ATP9B: variants seen among roughly 807,000 people sequenced by gnomAD.
ATP9B encodes ATPase phospholipid transporting 9B.
Under a neutral mutation model 146.1 loss-of-function variants are expected in ATP9B, and 110 were observed. That is an observed-to-expected ratio of 0.75 (90% CI 0.65 to 0.88). The LOEUF is 0.88. Ranked by LOEUF, ATP9B falls within the 40% of genes least tolerant of loss-of-function variation. The pLI, the probability that ATP9B is intolerant of heterozygous loss-of-function variation, is 0.00. For missense variants in ATP9B, 1,499 were observed against 1,496.4 expected (o/e 1.00, Z -0.03); for synonymous variants, 604 against 569.7 (o/e 1.06, Z -0.86).
At chr18:79,146,068 G>A (rs372412764) in intron 6 of ATP9B, 48 of 56,116 alleles carry the variant, frequency 8.6e-4, no homozygotes, top group South Asian at 1.7e-3. Flanking sequence ...CTGAAGGTGC[G>A]GGCTGCATGT....
intron 20 of ATP9B, 103 bp from the exon 21 acceptor site, chr18:79,344,162 C>A (rs1600208034): frequency 1.8e-6 from 2 of 1,082,634 alleles, no homozygotes; most frequent in Admixed American, 5.0e-5. Flanking sequence ...TAGATAATAA[C>A]CCCAGAACAT....
chr18:79,303,715 A>G lies in ATP9B; in HGVS notation c.1523A>G (p.Gln508Arg). 1 of 1,612,450 alleles carries G rather than the reference A, an allele frequency of 6.2e-7. No individual in the cohort carries two copies. Among genetic ancestry groups the G allele is most frequent in the South Asian group, 1.1e-5 (1 of 91,020 alleles). Residue 508 changes from glutamine (Q) to arginine (R), a missense_variant and splice_region_variant, in exon 14 of 30, where the codon CAG (glutamine) becomes CGG (arginine). Gln to Arg is a conservative substitution (Grantham distance 43). Coordinates refer to ENST00000426216, the MANE Select transcript of ATP9B (RefSeq NM_198531.5). Reference protein sequence around the residue: ...IQSHVRDSYSQMQSQAGGNNT... With the variant: ...IQSHVRDSYSRMQSQAGGNNT... ...AGCCATGTCAGGGACTCCTACTCAC[A>G]GGTAAGTGGGTTCCTCCTGCACGGG...
chr18:79,300,545 C>T (rs1033865058), intron 13 of ATP9B, among the ~76,000 whole-genome samples: 12 of 152,158 alleles, frequency 7.9e-5, no homozygotes, highest in East Asian at 5.8e-4. Flanking sequence ...ATGTGGGTTG[C>T]GGTGAGGACA....
At chr18:79,145,576 G>C (rs978382930) in intron 6 of ATP9B, 1 of 98,328 alleles carries the variant, frequency 1.0e-5, no homozygotes, top group Non-Finnish European at 2.0e-5. Context: ...TGTGGAGAGT[G>C]ACTGAAGGTG....
chr18:79,075,237 G>C (rs1007949364), intron 1 of ATP9B, among the ~76,000 whole-genome samples: 1 of 152,130 alleles, frequency 6.6e-6, no homozygotes, highest in Non-Finnish European at 1.5e-5. Flanking sequence ...CTACAGCCTC[G>C]ACCTTCTGGG....
chr18:79,275,258 G>A (rs925194468), intron 12 of ATP9B, among the ~76,000 whole-genome samples: 1 of 122,734 alleles, frequency 8.1e-6, no homozygotes. Context: ...TCATTTCTTG[G>A]CCACCTTGCC....
At chr18:79,133,127 A>G (rs1318369388) in intron 5 of ATP9B, among the ~76,000 whole-genome samples, 1 of 152,086 alleles carries the variant, frequency 6.6e-6, no homozygotes, top group East Asian at 1.9e-4. Flanking sequence ...CCTGGCCTCA[A>G]ATAATGCACC....
Position 79,307,005 on chromosome 18 carries a change from G to C in ATP9B, c.1544G>C (p.Gly515Ala). The C allele has an allele frequency of 2.5e-6, 4 of 1,614,148 alleles. No homozygotes were observed. The highest frequency in any genetic ancestry group is 3.4e-6 in the Non-Finnish European group (4 of 1,180,002). The change falls in exon 15 of 30, where the codon GGA becomes GCA. Residue 515 changes from glycine (G) to alanine (A), a missense_variant. Coordinates refer to ENST00000426216, the MANE Select transcript of ATP9B (RefSeq NM_198531.5). ...SYSQMQSQAG[G>A]NNTGSTPLRK... is the part of the protein sequence containing the mutation. ...CTAAAGATGCAGTCTCAAGCTGGTG[G>C]AAACAATACTGGTTCAACTCCACTA...
At chr18:79,137,005 G>A (rs569284500) in intron 5 of ATP9B, among the ~76,000 whole-genome samples, 46 of 152,270 alleles carry the variant, frequency 3.0e-4, no homozygotes, top group Admixed American at 8.5e-4. Context: ...ACCTCCCACC[G>A]GGTCCCTCCC....
At chr18:79,295,629 T>G (rs1304292832) in intron 13 of ATP9B, among the ~76,000 whole-genome samples, 2 of 152,266 alleles carry the variant, frequency 1.3e-5, no homozygotes, top group Non-Finnish European at 2.9e-5. Context: ...CCCTGTTGTT[T>G]CTGACAGCAG....
intron 9 of ATP9B, among the ~76,000 whole-genome samples, chr18:79,193,778 G>A (rs1416494408): frequency 6.6e-6 from 1 of 152,190 alleles, no homozygotes; most frequent in Non-Finnish European, 1.5e-5. Flanking sequence ...TATTTTAACA[G>A]CTTATAACTG....
chr18:79,081,965 T>C (rs2073311363), intron 1 of ATP9B, among the ~76,000 whole-genome samples: 2 of 152,288 alleles, frequency 1.3e-5, no homozygotes, highest in South Asian at 2.1e-4. Flanking sequence ...TCTTGCTAGG[T>C]TGGGGAAGTT....
intron 12 of ATP9B, among the ~76,000 whole-genome samples, chr18:79,257,230 G>A (rs1318804705): frequency 6.6e-6 from 1 of 152,178 alleles, no homozygotes; most frequent in East Asian, 1.9e-4. Flanking sequence ...AACCCAGGAG[G>A]CAGAGGTTGC....
chr18:79,353,226 T>C (rs1367424838), intron 25 of ATP9B: 1 of 152,144 alleles, frequency 6.6e-6, no homozygotes, highest in Non-Finnish European at 1.5e-5. Flanking sequence ...AAATTAAAAA[T>C]TTGCTGCCCC....
At position 79,375,381 on chromosome 18, in the gene ATP9B, T is replaced by A. The variant is rs1183124972; in HGVS notation, c.3275-13T>A. On this transcript the variant is annotated splice_polypyrimidine_tract_variant and intron_variant, in intron 28 of 29. Transcript: ENST00000426216. Reference sequence around the variant, plus strand: ...ATCTGTCCTTTATTTTCTTTATTACTGTTTTGGAACAGGTATAGGCAGAGT... The same window carrying A: ...ATCTGTCCTTTATTTTCTTTATTACAGTTTTGGAACAGGTATAGGCAGAGT... The A allele has an allele frequency of 6.2e-7, 1 of 1,605,432 alleles. No individual in the cohort carries two copies. Among genetic ancestry groups the A allele is most frequent in the Non-Finnish European group, 8.5e-7 (1 of 1,173,306 alleles).
At chr18:79,120,761 A>G (rs1450306513) in intron 4 of ATP9B, among the ~76,000 whole-genome samples, 2 of 152,240 alleles carry the variant, frequency 1.3e-5, no homozygotes, top group Non-Finnish European at 2.9e-5. Context: ...TATCTTCTAT[A>G]TAAAATGTCT....
chr18:79,371,595 C>T (rs2097070964), intron 26 of ATP9B, among the ~76,000 whole-genome samples: 1 of 152,218 alleles, frequency 6.6e-6, no homozygotes, highest in Non-Finnish European at 1.5e-5. Flanking sequence ...CTGGTGGCCT[C>T]CTGCAGGAAT....
intron 13 of ATP9B, among the ~76,000 whole-genome samples, chr18:79,287,714 G>A (rs1036439875): frequency 6.6e-6 from 1 of 152,092 alleles, no homozygotes. Context: ...ATGTTAGGGT[G>A]TCACTTTAGG....
At chr18:79,274,388 A>T (rs1323863247) in intron 12 of ATP9B, among the ~76,000 whole-genome samples, 1 of 152,202 alleles carries the variant, frequency 6.6e-6, no homozygotes, top group Non-Finnish European at 1.5e-5. Context: ...TGTGAATCAC[A>T]TGCATATAAG....
Sources: allele counts gnomAD v4.1 joint callset (sites outside exome capture counted in the v4.1 genomes callset), GRCh38; gene constraint gnomAD v4.1.1; transcripts MANE v1.5; gene names NCBI Gene and HGNC (gene_info 2026-07-23, HGNC 2026-07-21).